Variants in KCNC4 observed in about 807,000 individuals in gnomAD.
The protein encoded by KCNC4 is voltage-gated potassium channel KCNC4.
A neutral mutation model predicts 42.8 loss-of-function variants in KCNC4; 23 were observed. The ratio of observed to expected loss-of-function variants is 0.54; its 90% confidence interval spans 0.39 to 0.76. The LOEUF is 0.76. KCNC4 is among the 30% of genes least tolerant of loss of function. The probability of loss-of-function intolerance (pLI) is 0.00; values close to 1 mark genes in which losing one functional copy is unlikely to be tolerated. For missense variants in KCNC4, 751 were observed against 898.2 expected (o/e 0.84, Z 2.10); for synonymous variants, 422 against 393.5 (o/e 1.07, Z -0.86).
chr1:110,253,293 T>C (rs1264581379), downstream of KCNC4, among the ~76,000 whole-genome samples: 2 of 152,258 alleles, frequency 1.3e-5, no homozygotes, highest in Admixed American at 1.3e-4. Flanking sequence ...GTGTGCCTTG[T>C]TTCTGCCCAC....
In KCNC4 at chr1:110,222,977, C is replaced by CCT; in HGVS notation, c.699_700dup (p.Phe234SerfsTer25). 2 of 1,571,424 alleles carry CCT rather than the reference C, an allele frequency of 1.3e-6. No homozygotes were observed. The highest frequency in any genetic ancestry group is 2.2e-5 in the South Asian group (2 of 90,192). On this transcript the variant is annotated frameshift_variant, in exon 2 of 4. Coordinates refer to ENST00000438661, the MANE Select transcript of KCNC4 (RefSeq NM_001039574.3). LOFTEE classifies it high-confidence loss of function. Reference sequence around the variant, plus strand: ...CCCTGCCCATAGGTAGTGGCCTTTGCCTCTCTCTTCTTCATCCTGGTCTCC... The same window carrying CCT: ...CCCTGCCCATAGGTAGTGGCCTTTGCCTCTCTCTCTTCTTCATCCTGGTCTCC...
chr1:110,226,221 C>A, intron 3 of KCNC4, 43 bp downstream of exon 3: 1 of 1,578,332 alleles, frequency 6.3e-7, no homozygotes, highest in Non-Finnish European at 8.7e-7. Flanking sequence ...CCCCACAGAG[C>A]TGAGTCTCCC....
Position 110,270,948 on chromosome 1 carries a change from C to T in KCNC4, n.31-11586C>T, listed in dbSNP as rs541375453. Among the ~76,000 whole-genome samples, 6 of 152,294 alleles carry T rather than the reference C, an allele frequency of 3.9e-5. No homozygotes were observed. The East Asian group carries it at 1.2e-3, about 29-fold the overall frequency. On this transcript the variant is annotated intron_variant and non_coding_transcript_variant, in intron 1 of 2. Coordinates refer to the KCNC4 transcript ENST00000412512. The stretch of plus-strand genomic sequence containing the variant: ...AGATCAGCTCTTCAGTAGATTTAGA[C>T]CCTGGGGGGCTGAATGGAACCCTCT...
At position 110,223,929 on chromosome 1, in the gene KCNC4, C is replaced by T. The variant is rs750125320; in HGVS notation, c.1615+29C>T. ...AGATTAGGGGTTGGGAAGGAAAATC[C>T]CTTTTCCCCCAGTGGCCTAGGGAGT... On this transcript the variant is annotated intron_variant, in intron 2 of 3. Coordinates refer to ENST00000438661, the MANE Select transcript of KCNC4 (RefSeq NM_001039574.3). This position sits in a 1 kb window ranked among gnomAD's most constrained non-coding sequence, Gnocchi z 7.5. 1.1e-5 allele frequency: 17 copies of T among 1,533,004 alleles called. No homozygotes were observed. Among genetic ancestry groups the T allele is most frequent in the Admixed American group, 7.4e-5 (4 of 54,028 alleles). 95.0% of individuals were successfully genotyped at this position (1,533,004 alleles called of 1,614,324 possible).
chr1:110,222,922 C>G (rs763351452), intron 1 of KCNC4, 42 bp from the exon 2 acceptor site: 13 of 1,495,198 alleles, frequency 8.7e-6, no homozygotes, highest in Non-Finnish European at 1.2e-5. Flanking sequence ...CCCATCCATC[C>G]CTGTCTGACA....
At chr1:110,262,897 G>T (rs779687012) in intron 1 of KCNC4, among the ~76,000 whole-genome samples, 1 of 152,108 alleles carries the variant, frequency 6.6e-6, no homozygotes, top group Non-Finnish European at 1.5e-5. Flanking sequence ...TGTCTTTCCC[G>T]CCTGTCAAGC....
chr1:110,257,150 A>G (rs1224088470), intron 1 of KCNC4, among the ~76,000 whole-genome samples: 3 of 152,234 alleles, frequency 2.0e-5, no homozygotes, highest in Non-Finnish European at 2.9e-5. Flanking sequence ...AAACCTAATT[A>G]AACAGTTATG....
At chr1:110,283,305 G>A (rs1265780251), downstream of KCNC4, among the ~76,000 whole-genome samples, 2 of 152,070 alleles carry the variant, frequency 1.3e-5, no homozygotes, top group Non-Finnish European at 2.9e-5. Context: ...ATGCATTTTG[G>A]TGGGGTCAAA....
intron 1 of KCNC4, among the ~76,000 whole-genome samples, chr1:110,281,405 G>A (rs1659821365): frequency 6.6e-6 from 1 of 151,922 alleles, no homozygotes; most frequent in South Asian, 2.1e-4. Context: ...CTATTTGGGG[G>A]CTCCCACTCC....
intron 1 of KCNC4, among the ~76,000 whole-genome samples, chr1:110,275,352 CA>C (rs1259323816): frequency 2.6e-5 from 4 of 151,852 alleles, no homozygotes; most frequent in Admixed American, 2.0e-4. Flanking sequence ...ATTAAAAAGT[CA>C]AAAAAATAGA....
chr1:110,259,115 A>G (rs1210715181), intron 1 of KCNC4, among the ~76,000 whole-genome samples: 2 of 152,226 alleles, frequency 1.3e-5, no homozygotes, highest in Non-Finnish European at 2.9e-5. Context: ...AGGTAGGTCA[A>G]GGACCTGGAG....
rs150168394 is a variant in KCNC4, at chr1:110,261,017, T to A, written n.31-21517T>A. ...TTAATGAAGGATATTGTCCTAAGAG[T>A]TTTTGTCTTGAGATATTAGCTAATG... is the stretch of plus-strand genomic sequence containing the variant. On this transcript the variant is annotated intron_variant and non_coding_transcript_variant, in intron 1 of 2. Transcript: ENST00000412512. Among the ~76,000 whole-genome samples, 14 of 152,232 alleles carry A rather than the reference T, an allele frequency of 9.2e-5. No homozygotes were observed. In the South Asian group the frequency reaches 2.1e-3, roughly 23 times the overall value.
chr1:110,261,310 T>C (rs1170491863), intron 1 of KCNC4, among the ~76,000 whole-genome samples: 2 of 152,140 alleles, frequency 1.3e-5, no homozygotes, highest in Non-Finnish European at 1.5e-5. Context: ...AAAAACAATA[T>C]GGCAATAAAA....
intron 1 of KCNC4, among the ~76,000 whole-genome samples, chr1:110,279,383 C>T (rs571388789): frequency 9.9e-5 from 15 of 152,278 alleles, no homozygotes; most frequent in Middle Eastern, 3.4e-3. Flanking sequence ...AAGTTCCTTG[C>T]GGGCAAGGGC....
intron 1 of KCNC4, chr1:110,220,019 G>A (rs927540568): frequency 6.6e-6 from 1 of 152,316 alleles, no homozygotes; most frequent in Middle Eastern, 3.4e-3. Flanking sequence ...AGTGGAGATT[G>A]AGGCCCCACC....
At position 110,223,738 on chromosome 1, in the gene KCNC4, A is replaced by C; in HGVS notation, c.1453A>C (p.Lys485Gln). 1 of 1,614,118 alleles carries C rather than the reference A, an allele frequency of 6.2e-7. No individual in the cohort carries two copies. Residue 485 changes from lysine to glutamine, a missense_variant, in exon 2 of 4, where the codon AAG (lysine) becomes CAG (glutamine). Lys to Gln is a moderately conservative substitution (Grantham distance 53). Transcript: ENST00000438661. This position sits in a 1 kb window ranked among gnomAD's most constrained non-coding sequence, Gnocchi z 7.5. ...CATGTACTACTCCCTGGCCATGGCC[A>C]AGCAGAAGCTGCCCAAGAAACGGAA... ...FGMYYSLAMA[K>Q]QKLPKKRKKH...
intron 1 of KCNC4, among the ~76,000 whole-genome samples, chr1:110,276,299 CAAAA>C (rs3062031): frequency 0.057 from 5,604 of 99,004 alleles, 174 homozygotes; most frequent in African/African-American, 0.16. Flanking sequence ...TCAATTTATA[CAAAA>C]AAAAAAAAAA....
intron 1 of KCNC4, chr1:110,220,378 CTGCAGAA>C (rs1420899851): frequency 6.6e-6 from 1 of 152,264 alleles, no homozygotes; most frequent in Non-Finnish European, 1.5e-5. Flanking sequence ...CTCTTGCCTG[CTGCAGAA>C]TGAGCCCATG....
intron 3 of KCNC4, 148 bp downstream of exon 3, chr1:110,226,326 A>G (rs1658394524): frequency 2.9e-6 from 2 of 681,488 alleles, no homozygotes; most frequent in Admixed American, 4.3e-5. Flanking sequence ...TAGAATGGGT[A>G]CCTGATCTCC....
Sources: allele counts gnomAD v4.1 joint callset (sites outside exome capture counted in the v4.1 genomes callset), GRCh38; gene constraint gnomAD v4.1.1; non-coding constraint Gnocchi (gnomAD v3.1); transcripts MANE v1.5; gene names NCBI Gene and HGNC (gene_info 2026-07-23, HGNC 2026-07-21).